NPR3: variants seen among roughly 807,000 people sequenced by gnomAD.
The protein encoded by NPR3 is natriuretic peptide receptor 3, also known as atrial natriuretic peptide receptor 3.
NPR3 carries 34 observed loss-of-function variants against 54.5 expected under a neutral mutation model. The observed-to-expected ratio is 0.62, with a 90% CI of 0.47 to 0.83. NPR3 has a LOEUF of 0.83. Ranked by LOEUF, NPR3 falls within the 40% of genes least tolerant of loss-of-function variation. NPR3 has a pLI of 0.00. For synonymous variants in NPR3, 289 were observed against 297.1 expected (o/e 0.97, Z 0.28); for missense variants, 674 against 720.8 (o/e 0.94, Z 0.74).
chr5:32,763,589 C>T (rs1159031460), intron 3 of NPR3, among the ~76,000 whole-genome samples: 1 of 151,606 alleles, frequency 6.6e-6, no homozygotes, highest in African/African-American at 2.4e-5. Flanking sequence ...GCTGGGATTA[C>T]AGACCTGAGC....
chr5:32,697,535 C>T (rs1369140618), intron 1 of NPR3, among the ~76,000 whole-genome samples: 1 of 151,360 alleles, frequency 6.6e-6, no homozygotes, highest in African/African-American at 2.4e-5. Context: ...CTTTCCTTCT[C>T]GATTTTTCAG....
chr5:32,714,249 A>G (rs1347701410), intron 1 of NPR3, among the ~76,000 whole-genome samples: 1 of 152,202 alleles, frequency 6.6e-6, no homozygotes, highest in East Asian at 1.9e-4. Context: ...GTAGATCCCA[A>G]TGTCAGCGGC....
intron 1 of NPR3, among the ~76,000 whole-genome samples, chr5:32,722,640 C>A (rs1000005457): frequency 6.6e-6 from 1 of 152,136 alleles, no homozygotes; most frequent in Admixed American, 6.5e-5. Context: ...GCCAGAACTT[C>A]CCGGAACCTC....
At chr5:32,706,296 AAAC>A (rs2111825081), upstream of NPR3, among the ~76,000 whole-genome samples, 1 of 152,298 alleles carries the variant, frequency 6.6e-6, no homozygotes, top group East Asian at 1.9e-4. Context: ...TGAGCTAATT[AAAC>A]AACTTTTCTT....
At chr5:32,710,879 GGTGTGTGTGTGTATAT>G (rs1738181425), upstream of NPR3, 2 of 1,029,182 alleles carry the variant, frequency 1.9e-6, no homozygotes, top group Non-Finnish European at 2.6e-6. Flanking sequence ...TTTTTTGCAC[GGTGTGTGTGTGTATAT>G]GTGTGTGTGT....
At chr5:32,723,293 G>A (rs1014849840) in intron 1 of NPR3, among the ~76,000 whole-genome samples, 10 of 152,146 alleles carry the variant, frequency 6.6e-5, no homozygotes, top group South Asian at 4.1e-4. Flanking sequence ...AATAGACTGG[G>A]TAATGGTCAA....
At chr5:32,733,467 G>T (rs188586525) in intron 2 of NPR3, among the ~76,000 whole-genome samples, 1 of 152,178 alleles carries the variant, frequency 6.6e-6, no homozygotes, top group Admixed American at 6.5e-5. Context: ...AGGTGAGTTA[G>T]GTGGTAACTT....
intron 1 of NPR3, among the ~76,000 whole-genome samples, chr5:32,714,240 T>G (rs1738425780): frequency 6.6e-6 from 1 of 152,230 alleles, no homozygotes; most frequent in Non-Finnish European, 1.5e-5. Context: ...CACTACCCTG[T>G]AGATCCCAAT....
At position 32,752,201 on chromosome 5, in the gene NPR3, C is replaced by T. The variant is rs190282414; in HGVS notation, c.1059+13171C>T. 6.9e-4 allele frequency among the ~76,000 whole-genome samples: 104 copies of T among 150,564 alleles called. 2 individuals are homozygous for T. In the East Asian group the frequency reaches 0.02, roughly 29 times the overall value. ...CCTGGGCAACAAGAGCGAGACTCCT[C>T]CACCTCCAAAAACAAAAACAAAAAC... On this transcript the variant is annotated intron_variant, in intron 3 of 7. Transcript: ENST00000265074.
intron 3 of NPR3, among the ~76,000 whole-genome samples, chr5:32,758,032 T>G (rs1379808152): frequency 1.3e-5 from 2 of 150,632 alleles, no homozygotes; most frequent in Non-Finnish European, 2.9e-5. Flanking sequence ...TTTGCATCGA[T>G]GTTCAGCAGG....
Position 32,711,891 on chromosome 5 carries a change from G to C in NPR3, c.115G>C (p.Gly39Arg), listed in dbSNP as rs753153466. ...VGGGGGGAGI[G>R]GGRQEREALP... ...CGGCGGCGGCGGTGGCGCGGGCATA[G>C]GCGGCGGACGCCAGGAGAGAGAGGC... Residue 39 changes from glycine (G) to arginine (R), a missense_variant, in exon 1 of 8, where the codon GGC becomes CGC. Gly to Arg is a moderately radical substitution (Grantham distance 125). Transcript: ENST00000265074. 8.1e-6 allele frequency: 12 copies of C among 1,475,518 alleles called. No individual in the cohort carries two copies. The South Asian group carries it at 1.6e-4, about 19-fold the overall frequency. 91.4% of individuals were successfully genotyped at this position (1,475,518 alleles called of 1,614,324 possible).
At chr5:32,721,611 C>T (rs1235852026) in intron 1 of NPR3, among the ~76,000 whole-genome samples, 2 of 152,186 alleles carry the variant, frequency 1.3e-5, no homozygotes, top group African/African-American at 4.8e-5. Context: ...AGCCACTGCA[C>T]TCTTGTCCGG....
chr5:32,721,656 AC>A (rs1738871197), intron 1 of NPR3, among the ~76,000 whole-genome samples: 1 of 152,170 alleles, frequency 6.6e-6, no homozygotes, highest in African/African-American at 2.4e-5. Context: ...AAACAAATGA[AC>A]CAGCAAACAA....
intron 2 of NPR3, among the ~76,000 whole-genome samples, chr5:32,731,772 T>G (rs1460527708): frequency 6.6e-6 from 1 of 152,164 alleles, no homozygotes; most frequent in Non-Finnish European, 1.5e-5. Context: ...GAATTGCATC[T>G]TCATGCACCT....
intron 2 of NPR3, among the ~76,000 whole-genome samples, chr5:32,730,989 G>C (rs1345516137): frequency 6.6e-6 from 1 of 152,028 alleles, no homozygotes; most frequent in Non-Finnish European, 1.5e-5. Context: ...CTTTTCATGA[G>C]CCCATTATTT....
chr5:32,692,945 A>T (rs1472746058), intron 1 of NPR3, among the ~76,000 whole-genome samples: 1 of 152,044 alleles, frequency 6.6e-6, no homozygotes, highest in Non-Finnish European at 1.5e-5. Context: ...ACATAGTGAG[A>T]CCCCTGTCTC....
intron 3 of NPR3, among the ~76,000 whole-genome samples, chr5:32,741,360 A>G (rs1420095801): frequency 6.6e-6 from 1 of 152,214 alleles, no homozygotes; most frequent in Non-Finnish European, 1.5e-5. Context: ...TCAAGGCTGC[A>G]GTGATCCGTG....
intron 1 of NPR3, among the ~76,000 whole-genome samples, chr5:32,700,407 T>C (rs1464370253): frequency 6.6e-6 from 1 of 152,140 alleles, no homozygotes; most frequent in Non-Finnish European, 1.5e-5. Context: ...TTTCTTTTTT[T>C]TCATTATACT....
In NPR3 at chr5:32,786,308, G is replaced by C; in HGVS notation, c.1589G>C (p.Arg530Pro). Residue 530 changes from arginine to proline, a missense_variant, in exon 8 of 8, where the codon CGG (arginine) becomes CCG (proline). Coordinates refer to ENST00000265074, the MANE Select transcript of NPR3 (RefSeq NM_001204375.2). Reference sequence around the variant, plus strand: ...AACCTTGGAAAACATCGGGAATTACGGGAAGATTCCATCAGATCCCATTTT... The same window carrying C: ...AACCTTGGAAAACATCGGGAATTACCGGAAGATTCCATCAGATCCCATTTT... ...ESNLGKHREL[R>P]EDSIRSHFSV... 1.3e-6 allele frequency: 2 copies of C among 1,586,160 alleles called. No individual in the cohort carries two copies. The highest frequency in any genetic ancestry group is 1.7e-6 in the Non-Finnish European group (2 of 1,158,980).
Sources: allele counts gnomAD v4.1 joint callset (sites outside exome capture counted in the v4.1 genomes callset), GRCh38; gene constraint gnomAD v4.1.1; transcripts MANE v1.5; gene names NCBI Gene and HGNC (gene_info 2026-07-23, HGNC 2026-07-21).